The following GRID2 variants were observed in gnomAD, a reference collection of about 807,000 sequenced individuals.
GRID2 encodes the protein glutamate receptor ionotropic, delta-2.
In GRID2, 33 loss-of-function variants were observed where a neutral mutation model predicts 114.8. The observed-to-expected ratio is 0.29, with a 90% CI of 0.22 to 0.38. GRID2 has a LOEUF of 0.38. Ranked by LOEUF, GRID2 falls within the 10% of genes least tolerant of loss-of-function variation. GRID2 has a pLI of 1.00. For synonymous variants in GRID2, 505 were observed against 449.9 expected (o/e 1.12, Z -1.55); for missense variants, 1,184 against 1,257.7 (o/e 0.94, Z 0.89).
chr4:93,128,053 A>C (rs1325330908), intron 4 of GRID2, among the ~76,000 whole-genome samples: 7 of 144,758 alleles, frequency 4.8e-5, no homozygotes, highest in Admixed American at 2.8e-4. Context: ...AAAAAAAAAA[A>C]AAAAAACAAC....
chr4:93,383,133 A>G (rs1764016399), intron 8 of GRID2, among the ~76,000 whole-genome samples: 2 of 152,118 alleles, frequency 1.3e-5, no homozygotes, highest in Admixed American at 6.6e-5. Context: ...GAAGGTGGCA[A>G]GCAGGCACTG....
At chr4:92,324,821 T>A (rs1480283567) in intron 1 of GRID2, among the ~76,000 whole-genome samples, 1 of 150,846 alleles carries the variant, frequency 6.6e-6, no homozygotes, top group African/African-American at 2.4e-5. Context: ...CAAACATAGT[T>A]TGTAATTATG....
intron 1 of GRID2, among the ~76,000 whole-genome samples, chr4:92,570,029 G>T (rs571389525): frequency 2.0e-4 from 30 of 152,024 alleles, no homozygotes; most frequent in African/African-American, 6.0e-4. Context: ...TGAAATCTTT[G>T]CCTATGCCTA....
At chr4:93,081,909 C>T (rs1729903919) in intron 2 of GRID2, among the ~76,000 whole-genome samples, 1 of 152,148 alleles carries the variant, frequency 6.6e-6, no homozygotes, top group Admixed American at 6.5e-5. Context: ...AGCTTTGCTT[C>T]TGTTCTTACT....
intron 2 of GRID2, among the ~76,000 whole-genome samples, chr4:92,932,691 A>G (rs1293530432): frequency 1.3e-5 from 2 of 151,354 alleles, no homozygotes; most frequent in African/African-American, 4.8e-5. Context: ...GGATAAATAC[A>G]TTATCTTATA....
intron 2 of GRID2, among the ~76,000 whole-genome samples, chr4:92,783,750 G>T (rs1409916717): frequency 6.6e-6 from 1 of 151,918 alleles, no homozygotes; most frequent in Non-Finnish European, 1.5e-5. Flanking sequence ...GCCGAGTGCC[G>T]TACTGTGCCC....
At chr4:93,031,880 T>C (rs920577060) in intron 2 of GRID2, among the ~76,000 whole-genome samples, 1 of 152,138 alleles carries the variant, frequency 6.6e-6, no homozygotes, top group Non-Finnish European at 1.5e-5. Context: ...TACAATTGTT[T>C]TGGACCATTT....
intron 2 of GRID2, among the ~76,000 whole-genome samples, chr4:92,929,379 G>T (rs1242026752): frequency 6.7e-6 from 1 of 150,366 alleles, no homozygotes; most frequent in Non-Finnish European, 1.5e-5. Context: ...CCTATATTTT[G>T]ATTAAAAAAA....
chr4:93,274,835 G>T (rs868391876), intron 8 of GRID2, among the ~76,000 whole-genome samples: 1 of 151,616 alleles, frequency 6.6e-6, no homozygotes, highest in African/African-American at 2.4e-5. Context: ...AATTTTTTTT[G>T]TTTCTTATTT....
chr4:92,607,985 A>AG (rs1040332205), intron 2 of GRID2, among the ~76,000 whole-genome samples: 5 of 151,876 alleles, frequency 3.3e-5, no homozygotes, highest in African/African-American at 7.2e-5. Flanking sequence ...TGGCAAGTTG[A>AG]GGGGGGAAGG....
intron 1 of GRID2, among the ~76,000 whole-genome samples, chr4:93,784,387 C>T (rs1407696646): frequency 2.6e-5 from 4 of 151,980 alleles, no homozygotes; most frequent in African/African-American, 9.7e-5. Context: ...TTCCTTCTGG[C>T]AGGAAGCACT....
intron 4 of GRID2, among the ~76,000 whole-genome samples, chr4:93,180,582 A>G (rs367881875): frequency 2.0e-5 from 3 of 152,158 alleles, no homozygotes; most frequent in Non-Finnish European, 4.4e-5. Context: ...ATTTACCCAG[A>G]GTAGAGAAGA....
chr4:93,179,832 A>T (rs1739712779), intron 4 of GRID2, among the ~76,000 whole-genome samples: 1 of 152,162 alleles, frequency 6.6e-6, no homozygotes, highest in Non-Finnish European at 1.5e-5. Flanking sequence ...CCTTCAAACG[A>T]TGGGGGGACT....
chr4:92,923,257 T>C (rs1157301088), intron 2 of GRID2, among the ~76,000 whole-genome samples: 4 of 152,330 alleles, frequency 2.6e-5, no homozygotes, highest in East Asian at 1.9e-4. Context: ...GTAAGTTTTT[T>C]ATCATTTTTG....
intron 10 of GRID2, among the ~76,000 whole-genome samples, chr4:93,431,809 A>G (rs1444207640): frequency 1.3e-5 from 2 of 152,172 alleles, no homozygotes; most frequent in African/African-American, 2.4e-5. Flanking sequence ...GGAAAATGTA[A>G]TATAAGAAAG....
At chr4:92,640,273 A>G (rs1329162755) in intron 2 of GRID2, among the ~76,000 whole-genome samples, 1 of 151,852 alleles carries the variant, frequency 6.6e-6, no homozygotes, top group South Asian at 2.1e-4. Flanking sequence ...TAGAGATTTA[A>G]TCTTATATAA....
chr4:92,684,626 T>G (rs1344239946), intron 2 of GRID2, among the ~76,000 whole-genome samples: 1 of 152,030 alleles, frequency 6.6e-6, no homozygotes, highest in East Asian at 1.9e-4. Context: ...AGAAAACTTT[T>G]TCATGAACAG....
chr4:93,130,554 G>A (rs1391078905), intron 4 of GRID2, among the ~76,000 whole-genome samples: 2 of 152,056 alleles, frequency 1.3e-5, no homozygotes, highest in African/African-American at 2.4e-5. Flanking sequence ...GGAAAAAAAA[G>A]AAAAGTGGCT....
intron 2 of GRID2, among the ~76,000 whole-genome samples, chr4:92,845,289 G>A (rs1743228550): frequency 6.6e-6 from 1 of 152,058 alleles, no homozygotes; most frequent in Admixed American, 6.6e-5. Flanking sequence ...TTCATACAGA[G>A]CAGAAGCAGT....
Sources: allele counts gnomAD v4.1 joint callset (sites outside exome capture counted in the v4.1 genomes callset), GRCh38; gene constraint gnomAD v4.1.1; transcripts MANE v1.5; gene names NCBI Gene and HGNC (gene_info 2026-07-23, HGNC 2026-07-21).